Variants in SEC61A2 observed in about 807,000 individuals in gnomAD.
The protein encoded by SEC61A2 is protein transport protein Sec61 subunit alpha isoform 2.
In SEC61A2, 28 loss-of-function variants were observed where a neutral mutation model predicts 59.9. The observed-to-expected ratio is 0.47, with a 90% CI of 0.35 to 0.64. The LOEUF is 0.64. SEC61A2 is among the 30% of genes least tolerant of loss of function. The pLI is 0.01. For synonymous variants in SEC61A2, 202 were observed against 214.4 expected, an observed-to-expected ratio of 0.94 and a Z score of 0.50; for missense variants, 340 against 585.9, an observed-to-expected ratio of 0.58 and a Z score of 4.33.
chr10:12,139,460 AC>A (rs1162098332), intron 3 of SEC61A2, among the ~76,000 whole-genome samples: 1 of 151,240 alleles, frequency 6.6e-6, no homozygotes, highest in African/African-American at 2.4e-5. Flanking sequence ...GACCAGCCTG[AC>A]CAACATGGAG....
At chr10:12,135,951 C>T (rs1273371425) in intron 2 of SEC61A2, among the ~76,000 whole-genome samples, 154 bp from the exon 3 acceptor site, 2 of 152,154 alleles carry the variant, frequency 1.3e-5, no homozygotes, top group African/African-American at 2.4e-5. Context: ...AAACTTTGTA[C>T]CTAATAAACA....
At chr10:12,167,870 A>T, downstream of SEC61A2, 4 of 1,605,294 alleles carry the variant, frequency 2.5e-6, no homozygotes, top group Non-Finnish European at 3.4e-6. Flanking sequence ...AAAACATCTT[A>T]TTCAATCAGT....
chr10:12,135,323 A>G (rs1052582076), intron 2 of SEC61A2, among the ~76,000 whole-genome samples: 3 of 152,182 alleles, frequency 2.0e-5, no homozygotes, highest in African/African-American at 7.2e-5. Context: ...AATTTAAAAC[A>G]ATAATAATAA....
chr10:12,131,158 G>A lies in SEC61A2; in HGVS notation c.7+1364G>A, dbSNP rs1420547512. On this transcript the variant is annotated intron_variant, in intron 1 of 11. Transcript: ENST00000298428. Reference sequence around the variant, plus strand: ...ACTGCACTTCAGCCTGGGCGATAGAGCGAAACTCCGTCTCGAAATAAACAA... The same window carrying A: ...ACTGCACTTCAGCCTGGGCGATAGAACGAAACTCCGTCTCGAAATAAACAA... Among the ~76,000 whole-genome samples the A allele has an allele frequency of 3.3e-5, 5 of 152,362 alleles. 1 individual carries two copies. The South Asian group carries it at 1.0e-3, about 32-fold the overall frequency.
At chr10:12,157,846 TG>T in intron 8 of SEC61A2, 61 bp from the exon 9 acceptor site, 2 of 1,479,142 alleles carry the variant, frequency 1.4e-6, no homozygotes, top group Non-Finnish European at 1.9e-6. Flanking sequence ...TTTCCCTCTC[TG>T]GTCTCTGTTC....
intron 2 of SEC61A2, among the ~76,000 whole-genome samples, chr10:12,135,203 G>T (rs960136868): frequency 1.4e-4 from 21 of 151,898 alleles, no homozygotes; most frequent in African/African-American, 5.1e-4. Flanking sequence ...ATGCATGCGG[G>T]GCTTAAAACC....
intron 3 of SEC61A2, among the ~76,000 whole-genome samples, chr10:12,137,491 G>A (rs1383817121): frequency 6.6e-6 from 1 of 150,634 alleles, no homozygotes; most frequent in East Asian, 2.0e-4. Flanking sequence ...GTATTGTAGA[G>A]ATGAGGTTTT....
rs954421465 is a variant in SEC61A2 at position 12,145,324 on chromosome 10, A to G, written c.220+2129A>G. ...CACCGTTCTGTAACTTTTTGATAGA[A>G]TGAATTTCTAGAAGTTCAACTGTTG... On this transcript the variant is annotated intron_variant, in intron 4 of 11. Coordinates refer to ENST00000298428, the MANE Select transcript of SEC61A2 (RefSeq NM_018144.4). The surrounding 1 kb of genome is among the most constrained non-coding windows in gnomAD (Gnocchi z 4.4). 1.3e-5 allele frequency among the ~76,000 whole-genome samples: 2 copies of G among 152,214 alleles called. No individual in the cohort carries two copies. Among genetic ancestry groups the G allele is most frequent in the Non-Finnish European group, 2.9e-5 (2 of 68,034 alleles).
At chr10:12,169,336 C>A, downstream of SEC61A2, 2 of 1,542,496 alleles carry the variant, frequency 1.3e-6, no homozygotes, top group Non-Finnish European at 1.8e-6. This position sits in a 1 kb window ranked among gnomAD's most constrained non-coding sequence, Gnocchi z 4.8. Flanking sequence ...AAAAGATAAC[C>A]CCGCACGGCA....
rs764892615 is a variant in SEC61A2 at position 12,149,661 on chromosome 10, G to T, written c.287G>T (p.Gly96Val). 6.2e-7 allele frequency: 1 copy of T among 1,613,856 alleles called. No individual in the cohort carries two copies. The highest frequency in any genetic ancestry group is 8.5e-7 in the Non-Finnish European group (1 of 1,179,908). ...TSGLIMQLLA[G>V]AKIIEVGDTP... ...GGTTTGATTATGCAGTTGTTAGCTG[G>T]AGCCAAAATCATTGAAGTTGGAGAT... Residue 96 changes from glycine (G) to valine (V), a missense_variant, in exon 5 of 12, where the codon GGA becomes GTA. Gly to Val is a moderately radical substitution (Grantham distance 109). This residue lies in a region of SEC61A2 where 283 missense variants were observed against 483.2 expected (regional missense o/e 0.59). Transcript: ENST00000298428. The surrounding 1 kb of genome is among the most constrained non-coding windows in gnomAD (Gnocchi z 5.2).
In SEC61A2 at chr10:12,136,147, T is replaced by A. The variant is rs777206200; in HGVS notation, c.118T>A (p.Phe40Ile). ...EKVLWTAITL[F>I]IFLVCCQIPL... ...GGTTCTGTGGACTGCTATAACGCTC[T>A]TCATTTTCTTAGTGTGTTGTCAGGT... Residue 40 changes from phenylalanine (F) to isoleucine (I), a missense_variant, in exon 3 of 12, where the codon TTC becomes ATC. Coordinates refer to ENST00000298428, the MANE Select transcript of SEC61A2 (RefSeq NM_018144.4). 1 of 1,597,986 alleles carries A rather than the reference T, an allele frequency of 6.3e-7. No homozygotes were observed. The highest frequency in any genetic ancestry group is 8.6e-7 in the Non-Finnish European group (1 of 1,165,370).
At chr10:12,141,885 C>T (rs1834029459) in intron 3 of SEC61A2, among the ~76,000 whole-genome samples, 1 of 152,156 alleles carries the variant, frequency 6.6e-6, no homozygotes, top group African/African-American at 2.4e-5. Flanking sequence ...CCCGCAAACA[C>T]TGAAGGAGCT....
rs1026381833 is a variant in SEC61A2, at chr10:12,152,718, C to G, written c.462+2757C>G. ...GACCATCCTGGCCAACATGGTGAAA[C>G]GCTGTCTCTACCAAAAATACAAAAA... On this transcript the variant is annotated intron_variant, in intron 6 of 11. Coordinates refer to ENST00000298428, the MANE Select transcript of SEC61A2 (RefSeq NM_018144.4). The surrounding 1 kb of genome is among the most constrained non-coding windows in gnomAD (Gnocchi z 5.5). Among the ~76,000 whole-genome samples the G allele has an allele frequency of 6.6e-6, 1 of 152,004 alleles. No homozygotes were observed. The highest frequency in any genetic ancestry group is 1.5e-5 in the Non-Finnish European group (1 of 68,004).
At chr10:12,137,627 G>A (rs1833918394) in intron 3 of SEC61A2, among the ~76,000 whole-genome samples, 1 of 152,030 alleles carries the variant, frequency 6.6e-6, no homozygotes, top group African/African-American at 2.4e-5. Flanking sequence ...CAAATAAAAT[G>A]TTGCAGACAT....
At chr10:12,134,607 C>G (rs2131644090) in intron 2 of SEC61A2, among the ~76,000 whole-genome samples, 1 of 152,202 alleles carries the variant, frequency 6.6e-6, no homozygotes, top group Non-Finnish European at 1.5e-5. Flanking sequence ...TTTGTTGTAG[C>G]TGCTACTGAG....
rs766143212 is a variant in SEC61A2, at chr10:12,152,103, A to T, written c.462+2142A>T. 6.6e-6 allele frequency among the ~76,000 whole-genome samples: 1 copy of T among 151,574 alleles called. No individual in the cohort carries two copies. Among genetic ancestry groups the T allele is most frequent in the African/African-American group, 2.4e-5 (1 of 41,216 alleles). The stretch of plus-strand genomic sequence containing the variant: ...ACCAGGGCAGGAATTTTTTTTTTCG[A>T]GACGGAGTCCTGCTCTGTCTCCCAG... On this transcript the variant is annotated intron_variant, in intron 6 of 11. Transcript: ENST00000298428. The surrounding 1 kb of genome is among the most constrained non-coding windows in gnomAD (Gnocchi z 5.5).
intron 11 of SEC61A2, among the ~76,000 whole-genome samples, chr10:12,163,402 G>A (rs1472558424): frequency 7.0e-6 from 1 of 143,482 alleles, no homozygotes; most frequent in Non-Finnish European, 1.5e-5. Context: ...TTGGCTCACT[G>A]CAACCTCGAC....
intron 8 of SEC61A2, 148 bp from the exon 9 acceptor site, chr10:12,157,760 C>G: frequency 2.9e-6 from 2 of 695,848 alleles, no homozygotes; most frequent in South Asian, 3.8e-5. Context: ...CTCGGCCTCC[C>G]AAAGTGTTGG....
At chr10:12,150,983 G>A (rs1402654657) in intron 6 of SEC61A2, among the ~76,000 whole-genome samples, 1 of 151,988 alleles carries the variant, frequency 6.6e-6, no homozygotes, top group Non-Finnish European at 1.5e-5. Context: ...CACCATGTTG[G>A]CCAGGCTGGT....
Sources: gnomAD v4.1 joint callset for allele counts (sites outside exome capture counted in the v4.1 genomes callset) on GRCh38, gnomAD v4.1.1 for gene constraint, gnomAD v4.1.1 regional missense constraint, Gnocchi (gnomAD v3.1) non-coding constraint, MANE v1.5 for transcripts, NCBI Gene and HGNC (gene_info 2026-07-23, HGNC 2026-07-21) for gene names.